Variants in IQCJ observed in about 807,000 individuals in gnomAD.
The protein encoded by IQCJ is IQ domain-containing protein J.
In IQCJ, 9 loss-of-function variants were observed where a neutral mutation model predicts 11.0. The ratio of observed to expected loss-of-function variants is 0.82; its 90% CI spans 0.49 to 1.43. The LOEUF (loss-of-function observed/expected upper bound fraction) is 1.43, where lower values mean the gene tolerates loss of function less well. IQCJ is among the 40% of genes most tolerant of loss of function. The pLI is 0.00. For missense variants in IQCJ, 146 were observed against 133.2 expected (o/e 1.10, Z -0.47); for synonymous variants, 55 against 51.3 (o/e 1.07, Z -0.31).
chr3:159,264,504 A>G (rs1237119743), downstream of IQCJ, among the ~76,000 whole-genome samples: 2 of 152,140 alleles, frequency 1.3e-5, no homozygotes, highest in East Asian at 3.9e-4. Context: ...TTCTCCCATA[A>G]GGTATATCAG....
chr3:159,090,849 T>A (rs1472578), intron 1 of IQCJ, among the ~76,000 whole-genome samples: 82,999 of 151,656 alleles, frequency 0.55, 25,889 homozygotes, highest in Non-Finnish European at 0.69. Flanking sequence ...GACAAAATTG[T>A]TCAGTTGTCT....
chr3:159,189,941 G>A (rs1242033433), intron 1 of IQCJ, among the ~76,000 whole-genome samples: 1 of 152,126 alleles, frequency 6.6e-6, no homozygotes, highest in Non-Finnish European at 1.5e-5. Flanking sequence ...ACTCACTCAG[G>A]AAAGGGCCTA....
chr3:159,199,325 T>C (rs1481763096), intron 1 of IQCJ, among the ~76,000 whole-genome samples: 1 of 152,088 alleles, frequency 6.6e-6, no homozygotes, highest in African/African-American at 2.4e-5. Context: ...AAGTTGAAGA[T>C]GATGCACTAT....
intron 3 of IQCJ, among the ~76,000 whole-genome samples, chr3:159,258,116 C>T (rs1386630897): frequency 6.6e-6 from 1 of 152,212 alleles, no homozygotes; most frequent in Non-Finnish European, 1.5e-5. Context: ...ATCTGTCTTT[C>T]TTCTTCTATA....
chr3:159,125,630 A>G (rs1351447521), intron 1 of IQCJ, among the ~76,000 whole-genome samples: 1 of 152,220 alleles, frequency 6.6e-6, no homozygotes, highest in Non-Finnish European at 1.5e-5. Context: ...ATTTTTTTAA[A>G]AAGGCAAGGT....
intron 1 of IQCJ, among the ~76,000 whole-genome samples, chr3:159,221,414 ACTT>A (rs986389600): frequency 2.6e-5 from 4 of 152,142 alleles, no homozygotes; most frequent in Non-Finnish European, 5.9e-5. Context: ...TTTTCTGAAA[ACTT>A]CTTTTTAAAA....
At chr3:159,102,766 G>A (rs1718013138) in intron 1 of IQCJ, among the ~76,000 whole-genome samples, 1 of 152,190 alleles carries the variant, frequency 6.6e-6, no homozygotes, top group African/African-American at 2.4e-5. Flanking sequence ...CTTTTAGTTG[G>A]TATAGATATT....
At chr3:159,151,301 G>A (rs895847261) in intron 1 of IQCJ, among the ~76,000 whole-genome samples, 1 of 152,218 alleles carries the variant, frequency 6.6e-6, no homozygotes, top group African/African-American at 2.4e-5. Context: ...CTGAATGCCA[G>A]CCGGCCCTGT....
chr3:159,090,544 G>A (rs56145560), intron 1 of IQCJ, among the ~76,000 whole-genome samples: 1 of 151,738 alleles, frequency 6.6e-6, no homozygotes, highest in Admixed American at 6.5e-5. Flanking sequence ...GGAGTCAGTG[G>A]ACCATGGGAG....
At chr3:159,114,731 C>T (rs530169096) in intron 1 of IQCJ, among the ~76,000 whole-genome samples, 1 of 152,288 alleles carries the variant, frequency 6.6e-6, no homozygotes, top group African/African-American at 2.4e-5. Context: ...GTGCTCTGCG[C>T]ATCTGCCACA....
At chr3:159,222,018 C>T (rs989192673) in intron 1 of IQCJ, among the ~76,000 whole-genome samples, 1 of 152,086 alleles carries the variant, frequency 6.6e-6, no homozygotes, top group African/African-American at 2.4e-5. Flanking sequence ...GAAGATCCAA[C>T]ATATTCAATC....
chr3:159,125,363 C>T (rs1160779710), intron 1 of IQCJ, among the ~76,000 whole-genome samples: 1 of 152,180 alleles, frequency 6.6e-6, no homozygotes, highest in African/African-American at 2.4e-5. Flanking sequence ...ATGATGGCTT[C>T]ATGGAATGTG....
At chr3:159,176,558 T>A (rs760929878) in intron 1 of IQCJ, among the ~76,000 whole-genome samples, 13 of 152,140 alleles carry the variant, frequency 8.5e-5, no homozygotes, top group Non-Finnish European at 1.6e-4. Context: ...TAGGACAGTG[T>A]TTTTAGTAGA....
intron 1 of IQCJ, among the ~76,000 whole-genome samples, chr3:159,244,109 G>T (rs368673650): frequency 4.6e-5 from 7 of 152,290 alleles, no homozygotes; most frequent in South Asian, 4.1e-4. Context: ...CAACATTTTG[G>T]TTTTGAGCTT....
At chr3:159,183,871 T>C (rs1337476275) in intron 1 of IQCJ, among the ~76,000 whole-genome samples, 3 of 152,024 alleles carry the variant, frequency 2.0e-5, no homozygotes, top group African/African-American at 7.2e-5. Flanking sequence ...TTCCAAAATG[T>C]TTCTTGAATC....
At chr3:159,113,216 T>C (rs1483213493) in intron 1 of IQCJ, among the ~76,000 whole-genome samples, 1 of 152,242 alleles carries the variant, frequency 6.6e-6, no homozygotes, top group Non-Finnish European at 1.5e-5. Flanking sequence ...ATAAAAATAT[T>C]TAGCTGTGCT....
chr3:159,191,428 A>G (rs1723681901), intron 1 of IQCJ, among the ~76,000 whole-genome samples: 1 of 152,152 alleles, frequency 6.6e-6, no homozygotes, highest in Non-Finnish European at 1.5e-5. Context: ...ATCTCATTAG[A>G]CACCATCTGA....
intron 2 of IQCJ, among the ~76,000 whole-genome samples, chr3:159,248,681 T>G (rs1727414323): frequency 6.6e-6 from 1 of 152,170 alleles, no homozygotes; most frequent in Non-Finnish European, 1.5e-5. Context: ...TCTTAACATC[T>G]TCCTTCATGT....
At chr3:159,174,795 ATTT>A (rs538683968) in intron 1 of IQCJ, among the ~76,000 whole-genome samples, 1 of 150,110 alleles carries the variant, frequency 6.7e-6, no homozygotes, top group African/African-American at 2.5e-5. Context: ...ATTTTGTAGT[ATTT>A]TTTTTTCTTA....
Sources: allele counts gnomAD v4.1 joint callset (sites outside exome capture counted in the v4.1 genomes callset), GRCh38; gene constraint gnomAD v4.1.1; transcripts MANE v1.5; gene names NCBI Gene and HGNC (gene_info 2026-07-23, HGNC 2026-07-21).